Variants in EYA1 observed in about 807,000 individuals in gnomAD.
EYA1 encodes the protein EYA transcriptional coactivator and phosphatase 1, also known as protein phosphatase EYA1.
In EYA1, 16 loss-of-function variants were observed where a neutral mutation model predicts 82.0. The observed-to-expected ratio is 0.20, with a 90% CI of 0.13 to 0.30. The LOEUF (loss-of-function observed/expected upper bound fraction) is 0.30, where lower values mean the gene tolerates loss of function less well. Ranked by LOEUF, EYA1 falls within the 10% of genes least tolerant of loss-of-function variation. The probability of loss-of-function intolerance (pLI) is 1.00; values close to 1 mark genes in which losing one functional copy is unlikely to be tolerated. For synonymous variants in EYA1, 261 were observed against 264.4 expected (o/e 0.99, Z 0.12); for missense variants, 633 against 730.7 (o/e 0.87, Z 1.54).
intron 12 of EYA1, among the ~76,000 whole-genome samples, chr8:71,234,105 T>G (rs777316857): frequency 4.4e-4 from 67 of 152,230 alleles, no homozygotes; most frequent in Non-Finnish European, 2.1e-4. Context: ...TCTACCTGCC[T>G]TCTTATCTAA....
intron 12 of EYA1, among the ~76,000 whole-genome samples, chr8:71,233,470 A>G (rs572119841): frequency 6.6e-6 from 1 of 151,726 alleles, no homozygotes; most frequent in East Asian, 1.9e-4. Flanking sequence ...AGGCTGAGGC[A>G]GGAGAATGGC....
chr8:71,228,152 A>T (rs1225270663), intron 12 of EYA1, among the ~76,000 whole-genome samples: 1 of 152,186 alleles, frequency 6.6e-6, no homozygotes, highest in Non-Finnish European at 1.5e-5. Flanking sequence ...GGGTTCCATC[A>T]TCACCTCCCT....
intron 2 of EYA1, among the ~76,000 whole-genome samples, chr8:71,401,052 T>C (rs77638285): frequency 6.6e-6 from 1 of 152,106 alleles, no homozygotes; most frequent in Non-Finnish European, 1.5e-5. Context: ...AACCAAACAC[T>C]GCATGTTCTC....
At chr8:71,250,803 G>C (rs562217106) in intron 11 of EYA1, among the ~76,000 whole-genome samples, 11 of 152,132 alleles carry the variant, frequency 7.2e-5, no homozygotes, top group Admixed American at 2.0e-4. Context: ...TGTCATAAAG[G>C]CTTTCCCAAA....
intron 2 of EYA1, among the ~76,000 whole-genome samples, chr8:71,504,279 T>G (rs369147089): frequency 6.6e-6 from 1 of 152,204 alleles, no homozygotes; most frequent in African/African-American, 2.4e-5. Flanking sequence ...AGTTTGCATT[T>G]AAGTATAAAT....
At chr8:71,445,016 T>C (rs1312879981) in intron 2 of EYA1, among the ~76,000 whole-genome samples, 1 of 151,930 alleles carries the variant, frequency 6.6e-6, no homozygotes, top group Non-Finnish European at 1.5e-5. Context: ...ATCAAAAAAC[T>C]CTCTGAGTTT....
At chr8:71,230,852 T>C (rs1207884601) in intron 12 of EYA1, among the ~76,000 whole-genome samples, 4 of 152,196 alleles carry the variant, frequency 2.6e-5, no homozygotes, top group Non-Finnish European at 5.9e-5. Context: ...AACTAAGACA[T>C]AACTCTTCTT....
chr8:71,535,457 G>C (rs534582441), intron 2 of EYA1, among the ~76,000 whole-genome samples: 3 of 152,284 alleles, frequency 2.0e-5, no homozygotes, highest in African/African-American at 7.2e-5. Context: ...GAAACTGTAA[G>C]CCTAAAAATT....
intron 3 of EYA1, among the ~76,000 whole-genome samples, chr8:71,352,308 A>G (rs1283326490): frequency 6.6e-6 from 1 of 152,224 alleles, no homozygotes; most frequent in Non-Finnish European, 1.5e-5. Flanking sequence ...ACATATAAGT[A>G]GCATGATAAA....
intron 2 of EYA1, among the ~76,000 whole-genome samples, chr8:71,502,892 A>T (rs1334290049): frequency 2.0e-5 from 3 of 152,236 alleles, no homozygotes; most frequent in African/African-American, 7.2e-5. Context: ...TCCCAAGGGT[A>T]CAGGGCATTT....
chr8:71,241,065 A>G (rs1812428690), intron 12 of EYA1, among the ~76,000 whole-genome samples: 1 of 152,178 alleles, frequency 6.6e-6, no homozygotes, highest in African/African-American at 2.4e-5. Context: ...AGAAATAGGA[A>G]AGCCAGACGT....
At position 71,216,757 on chromosome 8, in the gene EYA1, C is replaced by T. The variant is rs727503046; in HGVS notation, c.1295G>A (p.Arg432Lys). The T allele has an allele frequency of 6.8e-6, 11 of 1,614,150 alleles. No homozygotes were observed. Among genetic ancestry groups the T allele is most frequent in the Non-Finnish European group, 7.6e-6 (9 of 1,180,008 alleles). Residue 432 changes from arginine to lysine, a missense_variant, in exon 14 of 18, where the codon AGA becomes AAA. By Grantham distance (26) the Arg-to-Lys change is conservative. Transcript: ENST00000340726. ...CCGTCTGTAGCGGAAGGCCAACTTT[C>T]TCATCCAGTCCACACCGCCCCGTAC... Reference protein sequence around the residue: ...TGVRGGVDWMRKLAFRYRRVK... With the variant: ...TGVRGGVDWMKKLAFRYRRVK...
At chr8:71,279,924 T>C (rs549328590) in intron 9 of EYA1, among the ~76,000 whole-genome samples, 60 of 152,234 alleles carry the variant, frequency 3.9e-4, no homozygotes, top group African/African-American at 1.4e-3. Flanking sequence ...ATACAGTAAA[T>C]ATTTTAGGCT....
intron 6 of EYA1, among the ~76,000 whole-genome samples, chr8:71,320,069 G>C (rs148592112): frequency 0.029 from 4,452 of 152,186 alleles, 95 homozygotes; most frequent in South Asian, 0.049. Flanking sequence ...CACTCTGCTA[G>C]TTCTTATTCT....
At chr8:71,539,161 T>C (rs1814945918) in intron 1 of EYA1, among the ~76,000 whole-genome samples, 1 of 151,984 alleles carries the variant, frequency 6.6e-6, no homozygotes, top group Non-Finnish European at 1.5e-5. Flanking sequence ...CTATTCACCC[T>C]AAGCATAGAG....
chr8:71,402,039 A>G (rs1829985288), intron 2 of EYA1, among the ~76,000 whole-genome samples: 1 of 152,186 alleles, frequency 6.6e-6, no homozygotes, highest in Admixed American at 6.5e-5. Context: ...TCTGTCTGGT[A>G]CAAGTAAAGG....
At chr8:71,312,746 G>A (rs1821487114) in intron 7 of EYA1, among the ~76,000 whole-genome samples, 1 of 152,146 alleles carries the variant, frequency 6.6e-6, no homozygotes, top group African/African-American at 2.4e-5. Flanking sequence ...TCTTTTCAAA[G>A]TTACTGTTCA....
Position 71,314,760 on chromosome 8 carries a change from G to A in EYA1, c.556+2792C>T, listed in dbSNP as rs538901033. Among the ~76,000 whole-genome samples the A allele has an allele frequency of 5.8e-4, 89 of 152,206 alleles. No individual in the cohort carries two copies. The Middle Eastern group carries it at 0.024, about 41-fold the overall frequency. ...TATAAAGATAGTCATGTGAAATAAT[G>A]CCTCAGTCATGGGAAATGGGTCCTA... On this transcript the variant is annotated intron_variant, in intron 7 of 17. Coordinates refer to ENST00000340726, the MANE Select transcript of EYA1 (RefSeq NM_000503.6).
chr8:71,461,810 C>G (rs1391023521), intron 2 of EYA1, among the ~76,000 whole-genome samples: 1 of 152,060 alleles, frequency 6.6e-6, no homozygotes, highest in Non-Finnish European at 1.5e-5. Flanking sequence ...GGGGGAAGCT[C>G]CATTCCCTAG....
Sources: gnomAD v4.1 joint callset for allele counts (sites outside exome capture counted in the v4.1 genomes callset) on GRCh38, gnomAD v4.1.1 for gene constraint, MANE v1.5 for transcripts, NCBI Gene and HGNC (gene_info 2026-07-23, HGNC 2026-07-21) for gene names.